ASPSCR1: variants seen among roughly 807,000 people sequenced by gnomAD.
ASPSCR1 encodes the protein ASPSCR1 tether for SLC2A4, UBX domain containing, also known as tether containing UBX domain for GLUT4.
ASPSCR1 carries 55 observed loss-of-function variants against 68.9 expected under a neutral mutation model. The ratio of observed to expected loss-of-function variants is 0.80; its 90% CI spans 0.64 to 1.00. The LOEUF (loss-of-function observed/expected upper bound fraction) is 1.00, where lower values mean the gene tolerates loss of function less well. ASPSCR1 is among the 50% of genes least tolerant of loss of function. The pLI is 0.00. For synonymous variants in ASPSCR1, 352 were observed against 332.6 expected, an observed-to-expected ratio of 1.06 and a Z score of -0.63; for missense variants, 765 against 762.2, an observed-to-expected ratio of 1.00 and a Z score of -0.04.
At chr17:81,997,551 G>A (rs1027185851) in intron 7 of ASPSCR1, among the ~76,000 whole-genome samples, 3 of 148,142 alleles carry the variant, frequency 2.0e-5, no homozygotes, top group Non-Finnish European at 4.4e-5. Context: ...ACAGTGGCGC[G>A]ATCTCGGCTC....
intron 7 of ASPSCR1, among the ~76,000 whole-genome samples, chr17:81,997,183 G>A (rs1054791006): frequency 3.0e-5 from 3 of 100,714 alleles, no homozygotes; most frequent in Admixed American, 9.0e-5. Flanking sequence ...TGTCAGCTCC[G>A]TGTTGGCTCC....
At chr17:82,010,896 A>T (rs1231471652) in intron 10 of ASPSCR1, 28 bp downstream of exon 10, 1 of 1,606,642 alleles carries the variant, frequency 6.2e-7, no homozygotes, top group African/African-American at 1.3e-5. Flanking sequence ...GTGTCCGGGG[A>T]TGGGGGGCAG....
chr17:81,984,561 CAG>C (rs1339419960), intron 3 of ASPSCR1, among the ~76,000 whole-genome samples: 1 of 149,020 alleles, frequency 6.7e-6, no homozygotes, highest in African/African-American at 2.5e-5. Flanking sequence ...GCCTGGGCGA[CAG>C]AGTGAGACTT....
chr17:81,987,359 G>A lies in ASPSCR1; in HGVS notation c.374+1752G>A, dbSNP rs962973296. On this transcript the variant is annotated intron_variant, in intron 4 of 15. Transcript: ENST00000306739. This position sits in a 1 kb window ranked among gnomAD's most constrained non-coding sequence, Gnocchi z 5.6. ...CTCTGTGCTGCTTCCTGAGACGAGA[G>A]TGGCAGAGGGCAAGAAGAAAACCAA... is the stretch of plus-strand genomic sequence containing the variant. Among the ~76,000 whole-genome samples the A allele has an allele frequency of 1.3e-5, 2 of 152,244 alleles. No homozygotes were observed. Among genetic ancestry groups the A allele is most frequent in the South Asian group, 2.1e-4 (1 of 4,836 alleles).
chr17:81,988,148 C>CA (rs756745360), intron 4 of ASPSCR1, among the ~76,000 whole-genome samples: 8,772 of 97,822 alleles, frequency 0.09, 492 homozygotes, highest in African/African-American at 0.2. Flanking sequence ...GACTCTGTCT[C>CA]AAAAAAAAAA....
intron 9 of ASPSCR1, among the ~76,000 whole-genome samples, chr17:82,010,383 G>T (rs1014466900): frequency 1.3e-5 from 2 of 151,692 alleles, no homozygotes; most frequent in Non-Finnish European, 2.9e-5. Context: ...CAAAAAATTA[G>T]TCAGGAGAGG....
chr17:82,014,809 T>A, intron 12 of ASPSCR1: 2 of 541,202 alleles, frequency 3.7e-6, no homozygotes, highest in Non-Finnish European at 6.6e-6. Context: ...GGGCAAGGGG[T>A]TGGCAGCAGA....
Position 82,012,270 on chromosome 17 carries a change from A to C in ASPSCR1, c.1340A>C (p.Gln447Pro). The C allele has an allele frequency of 6.2e-7, 1 of 1,613,488 alleles. No individual in the cohort carries two copies. Among genetic ancestry groups the C allele is most frequent in the Non-Finnish European group, 8.5e-7 (1 of 1,179,896 alleles). The change falls in exon 12 of 16, where the codon CAG becomes CCG. Residue 447 changes from glutamine (Q) to proline (P), a missense_variant. Physicochemically the swap from Gln to Pro is moderately conservative, Grantham distance 76. Coordinates refer to ENST00000306739, the MANE Select transcript of ASPSCR1 (RefSeq NM_024083.4). ...AAAACAGTCCTGGACGACCACACGC[A>C]GACCCTCTTTCAGGTACCTGAGGGC... The part of the protein sequence containing the change: ...PPKTVLDDHT[Q>P]TLFQANLFPA...
chr17:81,978,746 C>A (rs973461008), intron 1 of ASPSCR1: 1 of 231,188 alleles, frequency 4.3e-6, no homozygotes, highest in Non-Finnish European at 8.7e-6. Flanking sequence ...TGGTGCAAGG[C>A]CACGGCTTTG....
chr17:82,015,524 G>A (rs1278254240), intron 12 of ASPSCR1: 6 of 897,454 alleles, frequency 6.7e-6, no homozygotes, highest in Non-Finnish European at 9.9e-6. Flanking sequence ...GGCCTGTGGG[G>A]GCTATGATGA....
chr17:82,008,863 C>T, intron 7 of ASPSCR1, 174 bp from the exon 8 acceptor site: 2 of 883,558 alleles, frequency 2.3e-6, no homozygotes, highest in Non-Finnish European at 3.2e-6. Context: ...CCCCCAGCTG[C>T]TGTGCCCAGC....
chr17:81,980,370 G>A (rs904908360), intron 2 of ASPSCR1, among the ~76,000 whole-genome samples: 4 of 152,206 alleles, frequency 2.6e-5, no homozygotes, highest in Non-Finnish European at 4.4e-5. Flanking sequence ...CCTGCCTTAC[G>A]AGGCTCTCCT....
chr17:81,989,873 C>T (rs971677051), intron 4 of ASPSCR1, among the ~76,000 whole-genome samples: 2 of 152,196 alleles, frequency 1.3e-5, no homozygotes, highest in Non-Finnish European at 2.9e-5. Context: ...CTGCAACCTC[C>T]GCCTCCCGGG....
At position 81,990,348 on chromosome 17, in the gene ASPSCR1, A is replaced by G. The variant is rs1322125830; in HGVS notation, c.375-4473A>G. Among the ~76,000 whole-genome samples the G allele has an allele frequency of 6.6e-6, 1 of 152,138 alleles. No individual in the cohort carries two copies. The highest frequency in any genetic ancestry group is 1.5e-5 in the Non-Finnish European group (1 of 68,026). On this transcript the variant is annotated intron_variant, in intron 4 of 15. Transcript: ENST00000306739. The surrounding 1 kb of genome is among the most constrained non-coding windows in gnomAD (Gnocchi z 4.1). Reference sequence around the variant, plus strand: ...GCTCTGCTGCAGGGAGGGCGTCAGGAGACAGAGGCTGCACACTGCTGGCTT... The same window carrying G: ...GCTCTGCTGCAGGGAGGGCGTCAGGGGACAGAGGCTGCACACTGCTGGCTT...
At chr17:82,011,255 C>T (rs1336855052) in intron 10 of ASPSCR1, among the ~76,000 whole-genome samples, 1 of 147,436 alleles carries the variant, frequency 6.8e-6, no homozygotes, top group Non-Finnish European at 1.5e-5. Flanking sequence ...AGCCCAAGGT[C>T]ACAGGGGCCT....
Position 82,011,234 on chromosome 17 carries a change from C to T in ASPSCR1, c.1238-309C>T, listed in dbSNP as rs112771220. ...GGCTTGTGACCTGTACCCAGACGGC[C>T]GGGCGGCAGCAGCCCAAGGTCACAG... On this transcript the variant is annotated intron_variant, in intron 10 of 15. Coordinates refer to ENST00000306739, the MANE Select transcript of ASPSCR1 (RefSeq NM_024083.4). Among the ~76,000 whole-genome samples, 448 of 134,932 alleles carry T rather than the reference C, an allele frequency of 3.3e-3. 2 individuals are homozygous for T. The highest frequency in any genetic ancestry group is 0.012 in the African/African-American group (422 of 36,692). 88.5% of individuals were successfully genotyped at this position (134,932 alleles called of 152,430 possible).
rs1260875259 is a variant in ASPSCR1 at position 81,999,494 on chromosome 17, G to A, written c.933+2648G>A. Among the ~76,000 whole-genome samples, 2 of 152,138 alleles carry A rather than the reference G, an allele frequency of 1.3e-5. No homozygotes were observed. Among genetic ancestry groups the A allele is most frequent in the Non-Finnish European group, 2.9e-5 (2 of 68,032 alleles). On this transcript the variant is annotated intron_variant, in intron 7 of 15. Transcript: ENST00000306739. This position sits in a 1 kb window ranked among gnomAD's most constrained non-coding sequence, Gnocchi z 4.4. ...ATACAAAAATTAGCTGGGTGTGGTG[G>A]CAGGTGCCTGTAATCCCAGCTACTC...
intron 11 of ASPSCR1, 119 bp downstream of exon 11, chr17:82,011,724 GC>G: frequency 8.7e-7 from 1 of 1,146,604 alleles, no homozygotes; most frequent in Non-Finnish European, 1.2e-6. Flanking sequence ...AGCATCTGTG[GC>G]CTCCCGCCCA....
rs1000036289 is a variant in ASPSCR1, at chr17:81,987,264, G to A, written c.374+1657G>A. Among the ~76,000 whole-genome samples, 1 of 152,138 alleles carries A rather than the reference G, an allele frequency of 6.6e-6. No individual in the cohort carries two copies. Among genetic ancestry groups the A allele is most frequent in the Non-Finnish European group, 1.5e-5 (1 of 68,024 alleles). ...CGGGACCCGAGCCAGGAGTGGCGCC[G>A]GGCAGGGAGGCAGGCAGCCCCAGGC... On this transcript the variant is annotated intron_variant, in intron 4 of 15. Transcript: ENST00000306739. The surrounding 1 kb of genome is among the most constrained non-coding windows in gnomAD (Gnocchi z 5.6).
Sources: allele counts gnomAD v4.1 joint callset (sites outside exome capture counted in the v4.1 genomes callset), GRCh38; gene constraint gnomAD v4.1.1; non-coding constraint Gnocchi (gnomAD v3.1); transcripts MANE v1.5; gene names NCBI Gene and HGNC (gene_info 2026-07-23, HGNC 2026-07-21).